The following THSD4 variants were observed in gnomAD, a reference collection of about 807,000 sequenced individuals.
The protein encoded by THSD4 is thrombospondin type-1 domain-containing protein 4.
THSD4 carries 69 observed loss-of-function variants against 119.0 expected under a neutral mutation model. That is an observed-to-expected ratio of 0.58 (90% confidence interval 0.48 to 0.71). The LOEUF (loss-of-function observed/expected upper bound fraction) is 0.71. THSD4 is among the 30% of genes least tolerant of loss of function. THSD4 has a pLI of 0.00. For missense variants in THSD4, 1,393 were observed against 1,391.1 expected (o/e 1.00, Z -0.02); for synonymous variants, 524 against 540.4 (o/e 0.97, Z 0.42).
intron 7 of THSD4, among the ~76,000 whole-genome samples, chr15:71,608,933 C>T (rs920068147): frequency 6.6e-6 from 1 of 152,128 alleles, no homozygotes; most frequent in Admixed American, 6.6e-5. Flanking sequence ...AGAACCAAGG[C>T]CTGGTTTGGC....
Position 71,442,579 on chromosome 15 carries a change from A to AAAAAAATATATATATAT in THSD4, c.1152+30757_1152+30758insAAAAATATATATATATA, listed in dbSNP as rs1195413080. The stretch of plus-strand genomic sequence containing the variant: ...GCAAAACTCCATCTCAAAAAAAAAA[A>AAAAAAATATATATATAT]ATATATATATATATATATATATGTG... On this transcript the variant is annotated intron_variant, in intron 7 of 17. Transcript: ENST00000261862. Among the ~76,000 whole-genome samples the AAAAAAATATATATATAT allele has an allele frequency of 1.5e-4, 6 of 39,864 alleles. 1 individual carries two copies. Among genetic ancestry groups the AAAAAAATATATATATAT allele is most frequent in the African/African-American group, 3.7e-4 (5 of 13,618 alleles). 26.2% of individuals were successfully genotyped at this position (39,864 alleles called of 152,430 possible).
At chr15:71,247,901 A>G (rs1042025424) in intron 5 of THSD4, among the ~76,000 whole-genome samples, 1 of 152,210 alleles carries the variant, frequency 6.6e-6, no homozygotes, top group East Asian at 1.9e-4. Flanking sequence ...AGGGATTGCA[A>G]CAGAGGAAGG....
At chr15:71,195,399 G>T (rs1835510207) in intron 3 of THSD4, among the ~76,000 whole-genome samples, 1 of 152,212 alleles carries the variant, frequency 6.6e-6, no homozygotes, top group African/African-American at 2.4e-5. Flanking sequence ...CCAGTAGATG[G>T]AGCCAGGGAG....
chr15:71,310,378 T>C (rs957901681), intron 6 of THSD4, among the ~76,000 whole-genome samples: 4 of 152,106 alleles, frequency 2.6e-5, no homozygotes, highest in Non-Finnish European at 5.9e-5. Context: ...AAAAGCCAGA[T>C]TAATTGGAGA....
chr15:71,266,287 T>G (rs763932595), intron 6 of THSD4, among the ~76,000 whole-genome samples: 22 of 152,184 alleles, frequency 1.4e-4, no homozygotes, highest in Non-Finnish European at 2.5e-4. Flanking sequence ...TTGCTGTTCT[T>G]CAGCCTCTGC....
chr15:71,691,821 G>T (rs757565153), intron 8 of THSD4, among the ~76,000 whole-genome samples: 4 of 152,196 alleles, frequency 2.6e-5, no homozygotes, highest in Non-Finnish European at 5.9e-5. Flanking sequence ...TTGCTGGGAG[G>T]CTCAGATGGA....
chr15:71,283,651 T>C (rs1201158983), intron 6 of THSD4, among the ~76,000 whole-genome samples: 1 of 152,180 alleles, frequency 6.6e-6, no homozygotes, highest in Non-Finnish European at 1.5e-5. Context: ...AGGACATTAT[T>C]AAGTTTAGGT....
rs1318316762 is a variant in THSD4 at position 71,782,192 on chromosome 15, G to T, written c.*4818G>T. On this transcript the variant is annotated 3_prime_UTR_variant, in exon 18 of 18. Coordinates refer to ENST00000261862, the MANE Select transcript of THSD4 (RefSeq NM_024817.3). ...GTTTCTGCACCTTTGCAGGGGCAAA[G>T]TAACTCCCTGCACCCTGAACCACCC... 2 of 152,206 alleles carry T rather than the reference G, an allele frequency of 1.3e-5. No homozygotes were observed. The highest frequency in any genetic ancestry group is 2.9e-5 in the Non-Finnish European group (2 of 68,086). The allele number at this position is 152,206 out of a possible 1,614,324, so 9.4% of individuals were successfully genotyped here. A position where few individuals can be genotyped will look rare whatever the true frequency, so the allele number is the denominator to read the frequency against.
intron 9 of THSD4, 88 bp downstream of exon 9, chr15:71,728,812 A>G (rs908813996): frequency 2.6e-6 from 4 of 1,523,990 alleles, no homozygotes; most frequent in Non-Finnish European, 3.6e-6. Context: ...GCAACAAATC[A>G]TTGCCCATAC....
chr15:71,137,342 G>A (rs370536763), intron 1 of THSD4, among the ~76,000 whole-genome samples: 1 of 152,000 alleles, frequency 6.6e-6, no homozygotes, highest in Non-Finnish European at 1.5e-5. Context: ...TTGGCCTGGC[G>A]CCACCTTTCA....
rs945690308 is a variant in THSD4, at chr15:71,212,877, C to T, written c.100-2158C>T. 8.5e-5 allele frequency among the ~76,000 whole-genome samples: 13 copies of T among 152,308 alleles called. No homozygotes were observed. The East Asian group carries it at 1.2e-3, about 14-fold the overall frequency. ...AGGGGCCCTGGAAAGTGTTAACTGGCGCTAGTGCTGCCTGTGTCACAGAGC... is the reference window on the plus strand; with the variant it reads ...AGGGGCCCTGGAAAGTGTTAACTGGTGCTAGTGCTGCCTGTGTCACAGAGC... On this transcript the variant is annotated intron_variant, in intron 3 of 17. Transcript: ENST00000261862.
intron 7 of THSD4, among the ~76,000 whole-genome samples, chr15:71,651,943 C>T (rs956750675): frequency 6.6e-6 from 1 of 152,202 alleles, no homozygotes; most frequent in Admixed American, 6.5e-5. Context: ...AAGATGCCGG[C>T]GTGAATCTCC....
In THSD4 at chr15:71,280,346, G is replaced by C. The variant is rs546426325; in HGVS notation, c.1015+23631G>C. 1.3e-4 allele frequency among the ~76,000 whole-genome samples: 20 copies of C among 152,268 alleles called. No individual in the cohort carries two copies. The East Asian group carries it at 3.1e-3, about 24-fold the overall frequency. On this transcript the variant is annotated intron_variant, in intron 6 of 17. Transcript: ENST00000261862. Reference sequence around the variant, plus strand: ...TTTTATGGGCAGTGAGGAGTTATTGGGGTTTGTAAGCAGGAGAGTAGTATG... The same window carrying C: ...TTTTATGGGCAGTGAGGAGTTATTGCGGTTTGTAAGCAGGAGAGTAGTATG...
chr15:71,590,923 T>G (rs1295969688), intron 7 of THSD4, among the ~76,000 whole-genome samples: 1 of 141,082 alleles, frequency 7.1e-6, no homozygotes, highest in Non-Finnish European at 1.5e-5. Context: ...GGAGAATGGC[T>G]TGAACCCGGG....
chr15:71,493,954 A>C (rs1317296115), intron 7 of THSD4, among the ~76,000 whole-genome samples: 1 of 152,234 alleles, frequency 6.6e-6, no homozygotes, highest in Non-Finnish European at 1.5e-5. Flanking sequence ...ACTGGCCTTT[A>C]GAGCACTAAT....
chr15:71,665,204 G>A (rs990508842), intron 8 of THSD4, among the ~76,000 whole-genome samples: 1 of 152,108 alleles, frequency 6.6e-6, no homozygotes, highest in Non-Finnish European at 1.5e-5. Flanking sequence ...GTGTAAGATG[G>A]TATCTCATTG....
At chr15:71,563,181 A>G (rs2049157987) in intron 7 of THSD4, among the ~76,000 whole-genome samples, 1 of 152,156 alleles carries the variant, frequency 6.6e-6, no homozygotes. Context: ...AGTACAGCGC[A>G]TGTTTAGTGA....
At chr15:71,750,016 A>T (rs1012319100) in intron 14 of THSD4, among the ~76,000 whole-genome samples, 1 of 152,200 alleles carries the variant, frequency 6.6e-6, no homozygotes, top group Non-Finnish European at 1.5e-5. Context: ...GGCATGAGCC[A>T]CTGTGCCTGG....
intron 7 of THSD4, among the ~76,000 whole-genome samples, chr15:71,530,683 C>T (rs1267217264): frequency 6.6e-6 from 1 of 152,056 alleles, no homozygotes; most frequent in Non-Finnish European, 1.5e-5. Flanking sequence ...TCCAGTTTGC[C>T]TTGATTAAGG....
Sources: gnomAD v4.1 joint callset for allele counts (sites outside exome capture counted in the v4.1 genomes callset) on GRCh38, gnomAD v4.1.1 for gene constraint, MANE v1.5 for transcripts, NCBI Gene and HGNC (gene_info 2026-07-23, HGNC 2026-07-21) for gene names.